SCAPER: variants seen among roughly 807,000 people sequenced by gnomAD.
SCAPER encodes S-phase cyclin A associated protein in the ER.
Under a neutral mutation model 182.2 loss-of-function variants are expected in SCAPER, and 98 were observed. The observed-to-expected ratio is 0.54, with a 90% CI of 0.46 to 0.64. The LOEUF (loss-of-function observed/expected upper bound fraction) is 0.64, where lower values mean the gene tolerates loss of function less well. Among genes scored for constraint, SCAPER ranks in the 30% least tolerant of loss-of-function variants. SCAPER has a pLI of 0.00. For missense variants in SCAPER, 1,432 were observed against 1,690.0 expected, an observed-to-expected ratio of 0.85 and a Z score of 2.68; for synonymous variants, 605 against 564.6, an observed-to-expected ratio of 1.07 and a Z score of -1.01.
chr15:76,716,427 A>G (rs2059892007), intron 17 of SCAPER, among the ~76,000 whole-genome samples: 1 of 152,142 alleles, frequency 6.6e-6, no homozygotes, highest in South Asian at 2.1e-4. Flanking sequence ...TGAAACCACT[A>G]AAAGGAACAC....
At chr15:76,373,172 T>C (rs8023355) in intron 29 of SCAPER, among the ~76,000 whole-genome samples, 147,475 of 151,806 alleles carry the variant, frequency 0.97, 71,770 homozygotes, top group East Asian at 1. Context: ...CTCAGCCTCC[T>C]GAGTAGCTGG....
chr15:76,901,570 A>G (rs1187788954), intron 1 of SCAPER, among the ~76,000 whole-genome samples: 1 of 152,262 alleles, frequency 6.6e-6, no homozygotes, highest in Non-Finnish European at 1.5e-5. Flanking sequence ...AGATTGATAC[A>G]TAGCAGTTCA....
At chr15:76,420,683 C>T (rs1464336722) in intron 26 of SCAPER, among the ~76,000 whole-genome samples, 1 of 152,174 alleles carries the variant, frequency 6.6e-6, no homozygotes, top group Non-Finnish European at 1.5e-5. Context: ...AGGTTTGTTA[C>T]ATATGTATAC....
At chr15:76,449,129 C>A (rs2048199776) in intron 25 of SCAPER, among the ~76,000 whole-genome samples, 1 of 152,130 alleles carries the variant, frequency 6.6e-6, no homozygotes, top group Non-Finnish European at 1.5e-5. Context: ...TAGGCAGCAA[C>A]AAATGGTCTT....
intron 22 of SCAPER, among the ~76,000 whole-genome samples, chr15:76,587,864 A>G (rs2048787709): frequency 6.6e-6 from 1 of 151,746 alleles, no homozygotes; most frequent in Admixed American, 6.6e-5. Flanking sequence ...TAGTGCTGTC[A>G]GTGGAGTACT....
chr15:76,356,905 C>T (rs888782289), intron 29 of SCAPER, among the ~76,000 whole-genome samples: 1 of 151,986 alleles, frequency 6.6e-6, no homozygotes, highest in Non-Finnish European at 1.5e-5. Flanking sequence ...AATATGATGC[C>T]CACCTTCAGA....
At position 76,635,509 on chromosome 15, in the gene SCAPER, T is replaced by C. The variant is rs114859873; in HGVS notation, c.2646-13680A>G. 3.9e-3 allele frequency among the ~76,000 whole-genome samples: 595 copies of C among 152,220 alleles called. 3 individuals carry two copies. The highest frequency in any genetic ancestry group is 0.014 in the African/African-American group (570 of 41,534). ...GCTGTTTTAAGACGTCATCTTAAAATAGAAATAGTTTCATATCTTCCTTGC... is the reference window on the plus strand; with the variant it reads ...GCTGTTTTAAGACGTCATCTTAAAACAGAAATAGTTTCATATCTTCCTTGC... On this transcript the variant is annotated intron_variant, in intron 21 of 31. Coordinates refer to ENST00000563290, the MANE Select transcript of SCAPER (RefSeq NM_020843.4).
At chr15:76,441,807 C>A (rs1231105325) in intron 25 of SCAPER, among the ~76,000 whole-genome samples, 1 of 152,144 alleles carries the variant, frequency 6.6e-6, no homozygotes, top group African/African-American at 2.4e-5. Context: ...TCCTGACATA[C>A]TGTACATTAT....
chr15:76,724,305 T>C (rs568195808), intron 17 of SCAPER, among the ~76,000 whole-genome samples: 1 of 152,362 alleles, frequency 6.6e-6, no homozygotes, highest in Admixed American at 6.5e-5. Flanking sequence ...GCTGTTAGTC[T>C]GATGGGCTTC....
intron 23 of SCAPER, among the ~76,000 whole-genome samples, chr15:76,543,895 A>C (rs1229146631): frequency 1.3e-5 from 2 of 152,228 alleles, no homozygotes; most frequent in Non-Finnish European, 1.5e-5. Flanking sequence ...CAAGAAGTGA[A>C]AAGACAACCC....
At chr15:76,520,368 C>G (rs1054190067) in intron 23 of SCAPER, among the ~76,000 whole-genome samples, 3 of 152,122 alleles carry the variant, frequency 2.0e-5, no homozygotes, top group African/African-American at 7.2e-5. Context: ...CAGGCACATG[C>G]CACCACACCT....
chr15:76,777,407 G>T (rs1481212556), intron 8 of SCAPER, among the ~76,000 whole-genome samples: 7 of 152,158 alleles, frequency 4.6e-5, no homozygotes, highest in Admixed American at 2.0e-4. Context: ...TTTAACGAAA[G>T]AAGGTTTGAG....
intron 7 of SCAPER, among the ~76,000 whole-genome samples, chr15:76,798,558 G>C (rs966389970): frequency 1.3e-5 from 2 of 151,826 alleles, no homozygotes; most frequent in African/African-American, 4.8e-5. Flanking sequence ...ACATATCCAA[G>C]AGACTCAACA....
At position 76,848,068 on chromosome 15, in the gene SCAPER, C is replaced by T. The variant is rs577818352; in HGVS notation, c.196-6137G>A. On this transcript the variant is annotated intron_variant, in intron 4 of 31. Coordinates refer to ENST00000563290, the MANE Select transcript of SCAPER (RefSeq NM_020843.4). The stretch of plus-strand genomic sequence containing the variant: ...TGTTGCCCATGCTGGAGTGCAATGG[C>T]GTGATCTCAGCTCACTGCAATCTCT... 1.5e-4 allele frequency among the ~76,000 whole-genome samples: 23 copies of T among 151,794 alleles called. 2 individuals carry two copies. In the South Asian group the frequency reaches 4.4e-3, roughly 29 times the overall value.
At chr15:76,613,120 C>T (rs2051149242) in intron 22 of SCAPER, among the ~76,000 whole-genome samples, 1 of 152,124 alleles carries the variant, frequency 6.6e-6, no homozygotes, top group Admixed American at 6.6e-5. Context: ...TAAAGCCACA[C>T]ACTTACAACT....
chr15:76,731,981 CACT>C (rs1212190857), intron 16 of SCAPER, among the ~76,000 whole-genome samples: 1 of 152,156 alleles, frequency 6.6e-6, no homozygotes, highest in African/African-American at 2.4e-5. Flanking sequence ...TAAAAATATA[CACT>C]ACTACTCATG....
chr15:76,569,039 A>G (rs1460596896), intron 23 of SCAPER, among the ~76,000 whole-genome samples: 1 of 151,948 alleles, frequency 6.6e-6, no homozygotes, highest in African/African-American at 2.4e-5. Flanking sequence ...TTTTCTCTCA[A>G]ATCTTACAAC....
Position 76,351,294 on chromosome 15 carries a change from T to C in SCAPER, c.4048-6A>G, listed in dbSNP as rs751184830. ...CCTGGAGTCTGTGCCAAATCCTGTA[T>C]GAGGAGAGAAAAGTGTTTTTCTATC... On this transcript the variant is annotated splice_region_variant and splice_polypyrimidine_tract_variant and intron_variant, in intron 30 of 31. Coordinates refer to ENST00000563290, the MANE Select transcript of SCAPER (RefSeq NM_020843.4). The C allele has an allele frequency of 5.6e-6, 9 of 1,606,426 alleles. No individual in the cohort carries two copies. In the East Asian group the frequency reaches 1.6e-4, roughly 28 times the overall value.
intron 15 of SCAPER, among the ~76,000 whole-genome samples, chr15:76,752,172 TACA>T (rs1389480734): frequency 1.3e-5 from 2 of 151,344 alleles, no homozygotes; most frequent in Non-Finnish European, 3.0e-5. Flanking sequence ...AAATCAAAAC[TACA>T]ACGAGATACC....
Sources: gnomAD v4.1 joint callset for allele counts (sites outside exome capture counted in the v4.1 genomes callset) on GRCh38, gnomAD v4.1.1 for gene constraint, MANE v1.5 for transcripts, NCBI Gene and HGNC (gene_info 2026-07-23, HGNC 2026-07-21) for gene names.